GADL1: variants seen among roughly 807,000 people sequenced by gnomAD.
The protein encoded by GADL1 is GAD like acidic amino acid decarboxylase 1.
Under a neutral mutation model 69.5 loss-of-function variants are expected in GADL1, and 71 were observed. The ratio of observed to expected loss-of-function variants is 1.02; its 90% confidence interval spans 0.84 to 1.25. The LOEUF (loss-of-function observed/expected upper bound fraction) is 1.25. Ranked by LOEUF, GADL1 falls within the 50% of genes most tolerant of loss-of-function variation. The probability of loss-of-function intolerance (pLI) is 0.00; values close to 1 mark genes in which losing one functional copy is unlikely to be tolerated. For synonymous variants in GADL1, 254 were observed against 214.4 expected, an observed-to-expected ratio of 1.18 and a Z score of -1.62; for missense variants, 737 against 631.8, an observed-to-expected ratio of 1.17 and a Z score of -1.79.
chr3:30,760,364 C>CT (rs775879733), intron 14 of GADL1, among the ~76,000 whole-genome samples: 5 of 152,138 alleles, frequency 3.3e-5, no homozygotes, highest in African/African-American at 7.2e-5. Flanking sequence ...GCTTTAGTCT[C>CT]TTTTAAATAT....
At chr3:30,855,196 G>A (rs1335944859) in intron 3 of GADL1, among the ~76,000 whole-genome samples, 1 of 152,094 alleles carries the variant, frequency 6.6e-6, no homozygotes, top group Non-Finnish European at 1.5e-5. Flanking sequence ...GGAAAAACAT[G>A]TTGAAGACAC....
rs1695378605 is a variant in GADL1 at position 30,727,108 on chromosome 3, C to T, written c.*1134G>A. On this transcript the variant is annotated 3_prime_UTR_variant, in exon 15 of 15. Transcript: ENST00000282538. ...TGTATATATATATATACTATACACACACATATGTATGTGTGTGTATATATA... is the reference window on the plus strand; with the variant it reads ...TGTATATATATATATACTATACACATACATATGTATGTGTGTGTATATATA... The T allele has an allele frequency of 6.6e-6, 1 of 150,598 alleles. No homozygotes were observed. Among genetic ancestry groups the T allele is most frequent in the Non-Finnish European group, 1.5e-5 (1 of 67,756 alleles). The allele number at this position is 150,598 out of a possible 1,614,324, so 9.3% of individuals were successfully genotyped here. A position where few individuals can be genotyped will look rare whatever the true frequency, so the allele number is the denominator to read the frequency against.
At chr3:30,822,599 ATTTT>A (rs1261145101) in intron 11 of GADL1, among the ~76,000 whole-genome samples, 1 of 152,046 alleles carries the variant, frequency 6.6e-6, no homozygotes, top group African/African-American at 2.4e-5. Context: ...TCTCAAGAAA[ATTTT>A]AAATGATTTA....
At chr3:30,730,927 ACCCAC>A (rs1695447850) in intron 14 of GADL1, among the ~76,000 whole-genome samples, 1 of 152,152 alleles carries the variant, frequency 6.6e-6, no homozygotes, top group Non-Finnish European at 1.5e-5. Flanking sequence ...TAAACCTCTG[ACCCAC>A]CATATTGTAC....
At chr3:30,801,189 C>T in intron 11 of GADL1, 101 bp from the exon 12 acceptor site, 1 of 830,542 alleles carries the variant, frequency 1.2e-6, no homozygotes, top group African/African-American at 1.7e-5. Context: ...TCTACCTGTG[C>T]CAAGTGTACA....
intron 14 of GADL1, among the ~76,000 whole-genome samples, chr3:30,741,448 C>G (rs893284745): frequency 6.6e-6 from 1 of 151,854 alleles, no homozygotes; most frequent in Non-Finnish European, 1.5e-5. Context: ...GAAACATGTT[C>G]GATTCCTATA....
chr3:30,847,271 A>G (rs552573006), intron 6 of GADL1, among the ~76,000 whole-genome samples: 5 of 152,200 alleles, frequency 3.3e-5, no homozygotes, highest in Non-Finnish European at 7.3e-5. Flanking sequence ...TAGTAAAATT[A>G]CAATAAAAGC....
At chr3:30,872,841 G>A (rs1287146150) in intron 1 of GADL1, among the ~76,000 whole-genome samples, 2 of 151,842 alleles carry the variant, frequency 1.3e-5, no homozygotes, top group African/African-American at 2.4e-5. Context: ...TGAGTAGCTT[G>A]GATTCTGTAG....
chr3:30,781,925 T>A (rs1308574660), intron 13 of GADL1, among the ~76,000 whole-genome samples: 2 of 152,218 alleles, frequency 1.3e-5, no homozygotes, highest in Non-Finnish European at 2.9e-5. Context: ...TATGTTAATT[T>A]CTTGGTACTA....
chr3:30,749,430 T>C (rs1695765064), intron 14 of GADL1, among the ~76,000 whole-genome samples: 1 of 152,210 alleles, frequency 6.6e-6, no homozygotes, highest in Non-Finnish European at 1.5e-5. Flanking sequence ...AACTCTTCTA[T>C]TGTTTGAACA....
chr3:30,890,745 T>G (rs568288924), intron 1 of GADL1, among the ~76,000 whole-genome samples: 43 of 152,346 alleles, frequency 2.8e-4, no homozygotes, highest in African/African-American at 9.9e-4. Context: ...GGTAGCATTG[T>G]GGAGTTGAGT....
At chr3:30,862,508 GTCCT>G (rs1389310663) in intron 1 of GADL1, among the ~76,000 whole-genome samples, 1 of 151,984 alleles carries the variant, frequency 6.6e-6, no homozygotes, top group Non-Finnish European at 1.5e-5. Context: ...CTTGTACAAA[GTCCT>G]TTAGCATTTC....
At chr3:30,865,306 T>G (rs981769588) in intron 1 of GADL1, among the ~76,000 whole-genome samples, 2 of 142,316 alleles carry the variant, frequency 1.4e-5, no homozygotes, top group South Asian at 4.9e-4. Context: ...TATATATATA[T>G]TTTTTAATAT....
intron 14 of GADL1, among the ~76,000 whole-genome samples, chr3:30,752,739 A>AT (rs1339062649): frequency 1.3e-5 from 2 of 152,196 alleles, no homozygotes; most frequent in Non-Finnish European, 2.9e-5. Context: ...TCCTTTGAGT[A>AT]TTTAGAAAGT....
At chr3:30,772,668 A>G (rs1318200520) in intron 14 of GADL1, among the ~76,000 whole-genome samples, 1 of 152,124 alleles carries the variant, frequency 6.6e-6, no homozygotes, top group Non-Finnish European at 1.5e-5. Context: ...TGAGGTCAGG[A>G]GTTTGAGACC....
chr3:30,802,869 G>A (rs975350640), intron 11 of GADL1, among the ~76,000 whole-genome samples: 2 of 152,268 alleles, frequency 1.3e-5, no homozygotes, highest in East Asian at 3.9e-4. Context: ...GAGGGCTGAG[G>A]CAAGAGGATC....
chr3:30,808,550 G>A (rs1386075748), intron 11 of GADL1, among the ~76,000 whole-genome samples: 1 of 151,590 alleles, frequency 6.6e-6, no homozygotes, highest in Non-Finnish European at 1.5e-5. Flanking sequence ...AAGTGCTAAA[G>A]TATAGGTCAA....
At chr3:30,777,076 T>C (rs1409983180) in intron 14 of GADL1, among the ~76,000 whole-genome samples, 1 of 152,176 alleles carries the variant, frequency 6.6e-6, no homozygotes, top group Non-Finnish European at 1.5e-5. Flanking sequence ...TCTTTACTCA[T>C]TGTCTCTAGG....
At chr3:30,756,672 T>C (rs1477294692) in intron 14 of GADL1, among the ~76,000 whole-genome samples, 1 of 149,044 alleles carries the variant, frequency 6.7e-6, no homozygotes, top group East Asian at 1.9e-4. Flanking sequence ...CAAGCCTGGA[T>C]TAGCCTGATT....
Sources: allele counts gnomAD v4.1 joint callset (sites outside exome capture counted in the v4.1 genomes callset), GRCh38; gene constraint gnomAD v4.1.1; transcripts MANE v1.5; gene names NCBI Gene and HGNC (gene_info 2026-07-23, HGNC 2026-07-21).